Variants in RBFOX1 observed in about 807,000 individuals in gnomAD.
RBFOX1 encodes the protein RNA binding fox-1 homolog 1.
Under a neutral mutation model 57.7 loss-of-function variants are expected in RBFOX1, and 8 were observed. The observed-to-expected ratio is 0.14, with a 90% CI of 0.08 to 0.25. RBFOX1 has a LOEUF of 0.25. Among genes scored for constraint, RBFOX1 ranks in the 10% least tolerant of loss-of-function variants. The pLI is 1.00. For synonymous variants in RBFOX1, 326 were observed against 222.4 expected, an observed-to-expected ratio of 1.47 and a Z score of -4.15; for missense variants, 611 against 548.5, an observed-to-expected ratio of 1.11 and a Z score of -1.14.
intron 3 of RBFOX1, among the ~76,000 whole-genome samples, chr16:6,843,455 G>C (rs889492760): frequency 2.6e-5 from 4 of 152,130 alleles, no homozygotes; most frequent in Admixed American, 2.6e-4. Flanking sequence ...TTGGGAGGCT[G>C]AGGCGGGCAG....
intron 1 of RBFOX1, among the ~76,000 whole-genome samples, chr16:5,384,150 C>G (rs772082936): frequency 7.2e-5 from 11 of 152,312 alleles, no homozygotes; most frequent in African/African-American, 1.9e-4. Context: ...GTGATCATTG[C>G]TTAGCAATTC....
chr16:5,336,145 A>G (rs2151285274), intron 1 of RBFOX1, among the ~76,000 whole-genome samples: 1 of 152,254 alleles, frequency 6.6e-6, no homozygotes, highest in Non-Finnish European at 1.5e-5. Flanking sequence ...TCTGTCTTTC[A>G]AGATGCAGAA....
At chr16:6,736,805 G>T (rs1281797230) in intron 3 of RBFOX1, among the ~76,000 whole-genome samples, 2 of 152,180 alleles carry the variant, frequency 1.3e-5, no homozygotes, top group African/African-American at 4.8e-5. Context: ...TGTATGGAAT[G>T]CTGTATTCAT....
intron 2 of RBFOX1, among the ~76,000 whole-genome samples, chr16:6,585,208 A>G (rs1038191601): frequency 2.6e-5 from 4 of 152,162 alleles, no homozygotes; most frequent in Non-Finnish European, 4.4e-5. Flanking sequence ...TTCCAAAACA[A>G]TTCCTTAATA....
At chr16:5,409,867 G>A (rs954366930) in intron 1 of RBFOX1, among the ~76,000 whole-genome samples, 23 of 151,930 alleles carry the variant, frequency 1.5e-4, no homozygotes, top group Non-Finnish European at 2.9e-4. Context: ...GGCCAACATG[G>A]TGAAACCCCG....
intron 4 of RBFOX1, among the ~76,000 whole-genome samples, chr16:7,179,960 C>G (rs1178103736): frequency 2.0e-5 from 3 of 151,596 alleles, no homozygotes; most frequent in African/African-American, 7.3e-5. Context: ...CCAGGCAGAT[C>G]TAGAACTCCT....
At chr16:5,883,569 A>G (rs1046044990) in intron 4 of RBFOX1, among the ~76,000 whole-genome samples, 2 of 152,090 alleles carry the variant, frequency 1.3e-5, no homozygotes, top group East Asian at 3.9e-4. Flanking sequence ...TGAGTGAGGA[A>G]TTTGAACACA....
At chr16:5,553,284 TAAAA>T (rs1230419578) in intron 2 of RBFOX1, among the ~76,000 whole-genome samples, 2 of 150,964 alleles carry the variant, frequency 1.3e-5, no homozygotes, top group Non-Finnish European at 1.5e-5. Context: ...AGTATAAGAA[TAAAA>T]AAAGTAAGGT....
At chr16:6,586,621 C>G (rs1026954561) in intron 2 of RBFOX1, among the ~76,000 whole-genome samples, 3 of 152,278 alleles carry the variant, frequency 2.0e-5, no homozygotes, top group Admixed American at 6.5e-5. Context: ...CCACATTACA[C>G]ACTCTTCTGT....
In RBFOX1 at chr16:5,946,739, T is replaced by C. The variant is rs1304710798; in HGVS notation, c.351+79404T>C. Among the ~76,000 whole-genome samples, 2 of 152,186 alleles carry C rather than the reference T, an allele frequency of 1.3e-5. No individual in the cohort carries two copies. On this transcript the variant is annotated intron_variant, in intron 4 of 19. Transcript: ENST00000641259. This position sits in a 1 kb window ranked among gnomAD's most constrained non-coding sequence, Gnocchi z 4.6. The stretch of plus-strand genomic sequence containing the variant: ...TTGCTCTGAAGTGGGGCCAGTCTTG[T>C]GGGACTGGGCCCTCAACCTGTGGAA...
intron 3 of RBFOX1, among the ~76,000 whole-genome samples, chr16:6,800,559 G>A (rs896627659): frequency 6.6e-6 from 1 of 152,114 alleles, no homozygotes; most frequent in South Asian, 2.1e-4. Flanking sequence ...TAAGTAACAA[G>A]CTTCTAGAGG....
At chr16:6,539,759 C>G (rs1277462270) in intron 2 of RBFOX1, among the ~76,000 whole-genome samples, 1 of 148,216 alleles carries the variant, frequency 6.7e-6, no homozygotes, top group African/African-American at 2.5e-5. Context: ...GATCGTGCCA[C>G]TGCACTCCAG....
intron 3 of RBFOX1, among the ~76,000 whole-genome samples, chr16:6,844,363 C>G (rs554443863): frequency 7.2e-5 from 11 of 152,130 alleles, no homozygotes; most frequent in African/African-American, 2.2e-4. Context: ...TTCCCCTCAG[C>G]AGATCCCCAC....
chr16:7,610,497 A>G (rs1372512297), intron 10 of RBFOX1, among the ~76,000 whole-genome samples: 1 of 152,102 alleles, frequency 6.6e-6, no homozygotes, highest in Non-Finnish European at 1.5e-5. Flanking sequence ...ATCATTCTGT[A>G]TGATTCCAGC....
At chr16:6,608,695 C>T (rs1043993998) in intron 2 of RBFOX1, among the ~76,000 whole-genome samples, 3 of 152,108 alleles carry the variant, frequency 2.0e-5, no homozygotes, top group Admixed American at 2.0e-4. Context: ...TGACTTGGGT[C>T]CAGGAGTTTG....
chr16:6,700,367 A>AC (rs200771452), intron 3 of RBFOX1, among the ~76,000 whole-genome samples: 81,309 of 151,492 alleles, frequency 0.54, 23,542 homozygotes, highest in Non-Finnish European at 0.64. Flanking sequence ...CAAAAAAAAA[A>AC]AGAATTTTGA....
At chr16:7,134,160 G>A (rs2071277227) in intron 4 of RBFOX1, among the ~76,000 whole-genome samples, 1 of 152,052 alleles carries the variant, frequency 6.6e-6, no homozygotes, top group Non-Finnish European at 1.5e-5. Flanking sequence ...GCAGAGAGGG[G>A]TGTAATGCAT....
intron 1 of RBFOX1, among the ~76,000 whole-genome samples, chr16:6,164,813 T>C (rs935297242): frequency 5.3e-5 from 8 of 152,086 alleles, no homozygotes; most frequent in Non-Finnish European, 1.0e-4. Context: ...TCAGTGGAGC[T>C]CGTTACAAGA....
At chr16:6,697,038 C>A (rs2061155118) in intron 3 of RBFOX1, among the ~76,000 whole-genome samples, 1 of 152,136 alleles carries the variant, frequency 6.6e-6, no homozygotes, top group Non-Finnish European at 1.5e-5. Context: ...ACATTTCAAA[C>A]TAATGCTTGG....
Sources: gnomAD v4.1 joint callset for allele counts (sites outside exome capture counted in the v4.1 genomes callset) on GRCh38, gnomAD v4.1.1 for gene constraint, Gnocchi (gnomAD v3.1) non-coding constraint, MANE v1.5 for transcripts, NCBI Gene and HGNC (gene_info 2026-07-23, HGNC 2026-07-21) for gene names.